The following ZBTB16 variants were observed in gnomAD, a reference collection of about 807,000 sequenced individuals.
ZBTB16 encodes the protein zinc finger and BTB domain-containing protein 16.
Under a neutral mutation model 56.8 loss-of-function variants are expected in ZBTB16, and 8 were observed. That is an observed-to-expected ratio of 0.14 (90% CI 0.08 to 0.25). The LOEUF is 0.25. Among genes scored for constraint, ZBTB16 ranks in the 10% least tolerant of loss-of-function variants. The pLI, the probability that ZBTB16 is intolerant of heterozygous loss-of-function variation, is 1.00. For missense variants in ZBTB16, 625 were observed against 903.0 expected, an observed-to-expected ratio of 0.69 and a Z score of 3.95; for synonymous variants, 363 against 368.5, an observed-to-expected ratio of 0.98 and a Z score of 0.17.
chr11:114,060,041 C>A lies in ZBTB16; in HGVS notation c.-91+159C>A, dbSNP rs973693742. ...GCGTGTTCCCTTCCTGCCGCTGCAG[C>A]CGTCGCCGCCACCGGTTGGGGGTCG... On this transcript the variant is annotated intron_variant, in intron 1 of 6. Transcript: ENST00000335953. The surrounding 1 kb of genome is among the most constrained non-coding windows in gnomAD (Gnocchi z 6.0). Among the ~76,000 whole-genome samples, 1 of 152,184 alleles carries A rather than the reference C, an allele frequency of 6.6e-6. No individual in the cohort carries two copies. The highest frequency in any genetic ancestry group is 1.5e-5 in the Non-Finnish European group (1 of 68,030).
chr11:114,171,752 G>C (rs372530510), intron 3 of ZBTB16, among the ~76,000 whole-genome samples: 1 of 152,138 alleles, frequency 6.6e-6, no homozygotes, highest in African/African-American at 2.4e-5. Context: ...TCCCACTTTA[G>C]TTTTCAGAAC....
chr11:114,234,226 T>A (rs500013), intron 4 of ZBTB16, among the ~76,000 whole-genome samples: 106,685 of 152,092 alleles, frequency 0.7, 38,940 homozygotes, highest in South Asian at 0.81. Flanking sequence ...GAGACCTAAA[T>A]TTGACAAGGA....
intron 2 of ZBTB16, among the ~76,000 whole-genome samples, chr11:114,068,874 C>T (rs746596434): frequency 6.6e-6 from 1 of 152,210 alleles, no homozygotes; most frequent in Non-Finnish European, 1.5e-5. Flanking sequence ...GATAAGATTG[C>T]AGGGAACAGT....
rs369942966 is a variant in ZBTB16, at chr11:114,181,123, G to T, written c.1367-5829G>T. On this transcript the variant is annotated intron_variant, in intron 3 of 6. Coordinates refer to ENST00000335953, the MANE Select transcript of ZBTB16 (RefSeq NM_006006.6). ...TGAATGTGAGACTCACTTTACACAAGATAAATGGCCCCCAAATAACTGTAC... is the reference window on the plus strand; with the variant it reads ...TGAATGTGAGACTCACTTTACACAATATAAATGGCCCCCAAATAACTGTAC... Among the ~76,000 whole-genome samples, 6 of 152,304 alleles carry T rather than the reference G, an allele frequency of 3.9e-5. No homozygotes were observed. The South Asian group carries it at 1.2e-3, about 32-fold the overall frequency.
chr11:114,167,387 T>C (rs1478365551), intron 3 of ZBTB16, among the ~76,000 whole-genome samples: 1 of 18,780 alleles, frequency 5.3e-5, no homozygotes, highest in Non-Finnish European at 9.2e-5. Flanking sequence ...AGTTTTTTTG[T>C]TTTTTTTTTT....
intron 2 of ZBTB16, among the ~76,000 whole-genome samples, chr11:114,074,501 CT>C (rs1028047856): frequency 1.3e-5 from 2 of 152,200 alleles, no homozygotes; most frequent in African/African-American, 4.8e-5. Flanking sequence ...AAACCCTCAG[CT>C]CCCCCAACCC....
intron 3 of ZBTB16, among the ~76,000 whole-genome samples, chr11:114,159,373 A>G (rs1942513616): frequency 6.6e-6 from 1 of 152,284 alleles, no homozygotes; most frequent in African/African-American, 2.4e-5. Context: ...TCACTTGCCA[A>G]TGCCCTTGGA....
chr11:114,194,910 T>C (rs559734396), intron 4 of ZBTB16, among the ~76,000 whole-genome samples: 1 of 152,336 alleles, frequency 6.6e-6, no homozygotes, highest in East Asian at 1.9e-4. Context: ...GAAACACAAG[T>C]GGTTTTGTGC....
intron 3 of ZBTB16, among the ~76,000 whole-genome samples, chr11:114,171,504 C>T (rs766954142): frequency 1.2e-4 from 18 of 152,210 alleles, no homozygotes; most frequent in Non-Finnish European, 2.1e-4. Context: ...CTCTGGCCTG[C>T]TGCCCATCAG....
At chr11:114,146,730 T>A (rs2134918172) in intron 2 of ZBTB16, among the ~76,000 whole-genome samples, 1 of 151,912 alleles carries the variant, frequency 6.6e-6, no homozygotes, top group East Asian at 1.9e-4. Context: ...ATGCCTGTAG[T>A]CTCAGCTACT....
chr11:114,064,524 G>C lies in ZBTB16; in HGVS notation c.1224G>C (p.Val408=), dbSNP rs1431229073. ...GGACCATCGGAGAGCAGTGCAGCGT[G>C]TGTGGGGTCGAGCTTCCTGATAACG... ...ESRTIGEQCS[V]CGVELPDNEA... Residue 408 remains valine, a synonymous_variant, in exon 2 of 7, where the codon GTG becomes GTC. Transcript: ENST00000335953. This position sits in a 1 kb window ranked among gnomAD's most constrained non-coding sequence, Gnocchi z 4.2. 3 of 1,613,974 alleles carry C rather than the reference G, an allele frequency of 1.9e-6. No individual in the cohort carries two copies. The African/African-American group carries it at 4.0e-5, about 22-fold the overall frequency.
rs1942018914 is a variant in ZBTB16 at position 114,143,583 on chromosome 11, C to T, written c.1269-12754C>T. 6.6e-6 allele frequency among the ~76,000 whole-genome samples: 1 copy of T among 152,128 alleles called. No homozygotes were observed. Among genetic ancestry groups the T allele is most frequent in the South Asian group, 2.1e-4 (1 of 4,824 alleles). Reference sequence around the variant, plus strand: ...TAGAAAAAATACGCTAGTGACAGGTCCTCCCTCCATCCCAGATGTGTGATG... The same window carrying T: ...TAGAAAAAATACGCTAGTGACAGGTTCTCCCTCCATCCCAGATGTGTGATG... On this transcript the variant is annotated intron_variant, in intron 2 of 6. Transcript: ENST00000335953. The surrounding 1 kb of genome is among the most constrained non-coding windows in gnomAD (Gnocchi z 6.4).
At chr11:114,179,282 G>GAGAGAC (rs1293624552) in intron 3 of ZBTB16, among the ~76,000 whole-genome samples, 2 of 149,792 alleles carry the variant, frequency 1.3e-5, no homozygotes, top group African/African-American at 2.4e-5. Context: ...GAGAGAGCTA[G>GAGAGAC]AGAGAGAGAG....
At position 114,119,349 on chromosome 11, in the gene ZBTB16, C is replaced by T. The variant is rs561203623; in HGVS notation, c.1269-36988C>T. 1.3e-4 allele frequency among the ~76,000 whole-genome samples: 19 copies of T among 146,376 alleles called. No individual in the cohort carries two copies. In the East Asian group the frequency reaches 2.0e-3, roughly 16 times the overall value. ...ATACGAGTTTGTGTGTGTGTGTGCG[C>T]GCGTGTGTGTGTGTGTTTGTGTCTG... On this transcript the variant is annotated intron_variant, in intron 2 of 6. Transcript: ENST00000335953.
intron 1 of ZBTB16, among the ~76,000 whole-genome samples, chr11:114,061,148 TG>T (rs145426608): frequency 2.3e-5 from 3 of 129,986 alleles, no homozygotes; most frequent in Non-Finnish European, 3.4e-5. Context: ...CGCTGGGAAC[TG>T]GGGGGGTGTG....
At chr11:114,169,207 T>G (rs1942884362) in intron 3 of ZBTB16, among the ~76,000 whole-genome samples, 1 of 152,204 alleles carries the variant, frequency 6.6e-6, no homozygotes, top group Non-Finnish European at 1.5e-5. Context: ...GCAGCCGACC[T>G]GTGCTGCAGC....
intron 2 of ZBTB16, among the ~76,000 whole-genome samples, chr11:114,102,744 G>T (rs1257146881): frequency 6.6e-6 from 1 of 152,136 alleles, no homozygotes; most frequent in African/African-American, 2.4e-5. Context: ...TTTATTGGGT[G>T]CCTGGAGAAT....
At chr11:114,207,592 CA>C (rs1943911176) in intron 4 of ZBTB16, among the ~76,000 whole-genome samples, 9 of 108,466 alleles carry the variant, frequency 8.3e-5, no homozygotes, top group Non-Finnish European at 3.9e-5. Flanking sequence ...ACACACACAA[CA>C]CACACACACA....
At chr11:114,201,153 A>G (rs1203964397) in intron 4 of ZBTB16, among the ~76,000 whole-genome samples, 1 of 152,214 alleles carries the variant, frequency 6.6e-6, no homozygotes, top group Non-Finnish European at 1.5e-5. Flanking sequence ...AAACATTTAG[A>G]TAATTGTACC....
Sources: gnomAD v4.1 joint callset for allele counts (sites outside exome capture counted in the v4.1 genomes callset) on GRCh38, gnomAD v4.1.1 for gene constraint, Gnocchi (gnomAD v3.1) non-coding constraint, MANE v1.5 for transcripts, NCBI Gene and HGNC (gene_info 2026-07-23, HGNC 2026-07-21) for gene names.